The following DNAH2 variants were observed in gnomAD, a reference collection of about 807,000 sequenced individuals.
DNAH2 encodes the protein axonemal beta dynein heavy chain 2.
Under a neutral mutation model 523.5 loss-of-function variants are expected in DNAH2, and 323 were observed. The ratio of observed to expected loss-of-function variants is 0.62; its 90% CI spans 0.56 to 0.68. The LOEUF (loss-of-function observed/expected upper bound fraction) is 0.68. Among genes scored for constraint, DNAH2 ranks in the 30% least tolerant of loss-of-function variants. The pLI is 0.00. For missense variants in DNAH2, 4,907 were observed against 5,701.5 expected (o/e 0.86, Z 4.49); for synonymous variants, 2,093 against 2,177.4 (o/e 0.96, Z 1.08).
chr17:7,793,547 CTCTT>C (rs1027842599), intron 48 of DNAH2, among the ~76,000 whole-genome samples: 6 of 113,620 alleles, frequency 5.3e-5, no homozygotes, highest in Admixed American at 2.7e-4. Flanking sequence ...TTTCTTTCTT[CTCTT>C]TCTTTCTCTT....
intron 11 of DNAH2, among the ~76,000 whole-genome samples, 156 bp from the exon 12 acceptor site, chr17:7,742,772 C>T (rs1203406252): frequency 1.3e-5 from 2 of 152,220 alleles, no homozygotes; most frequent in South Asian, 2.1e-4. Flanking sequence ...CTCTACCTTC[C>T]TTCTAAGTTA....
chr17:7,770,354 G>A lies in DNAH2; in HGVS notation c.4044G>A (p.Val1348=), dbSNP rs151184525. The A allele has an allele frequency of 2.9e-5, 46 of 1,613,936 alleles. No individual in the cohort carries two copies. In the Middle Eastern group the frequency reaches 6.6e-4, roughly 23 times the overall value. The change falls in exon 25 of 86, where the codon GTG becomes GTA. Residue 1348 remains valine (V), a synonymous_variant. Transcript: ENST00000572933. ...TGGAGCTTGGGATGGATCAGCATGT[G>A]GAGAAAATTGGGGAGATCTCTGCTT... ...QIVELGMDQH[V]EKIGEISASA...
intron 14 of DNAH2, 103 bp downstream of exon 14, chr17:7,758,754 A>G (rs1448379139): frequency 1.3e-6 from 2 of 1,558,560 alleles, no homozygotes; most frequent in African/African-American, 2.7e-5. Flanking sequence ...TGTAAAAAGA[A>G]TTAAGTTTGC....
chr17:7,789,556 C>T (rs1427159882), intron 44 of DNAH2, among the ~76,000 whole-genome samples: 1 of 151,308 alleles, frequency 6.6e-6, no homozygotes, highest in Admixed American at 6.6e-5. Context: ...CATAATTTCC[C>T]ACCTATAGGA....
Position 7,821,633 on chromosome 17 carries a change from T to C in DNAH2, c.11142+264T>C, listed in dbSNP as rs1366343554. Among the ~76,000 whole-genome samples the C allele has an allele frequency of 4.6e-5, 7 of 152,150 alleles. No individual in the cohort carries two copies. Among genetic ancestry groups the C allele is most frequent in the Non-Finnish European group, 8.8e-5 (6 of 68,018 alleles). ...AAACTGGCCTGATCTTGCCGCTTTTTTACTGCCTTTCAAGGCACTCCTTCC... is the reference window on the plus strand; with the variant it reads ...AAACTGGCCTGATCTTGCCGCTTTTCTACTGCCTTTCAAGGCACTCCTTCC... On this transcript the variant is annotated intron_variant, in intron 73 of 85. Transcript: ENST00000572933. This position sits in a 1 kb window ranked among gnomAD's most constrained non-coding sequence, Gnocchi z 5.0.
At position 7,824,691 on chromosome 17, in the gene DNAH2, G is replaced by A. The variant is rs1203353282; in HGVS notation, c.11817G>A (p.Leu3939=). 32 of 1,593,472 alleles carry A rather than the reference G, an allele frequency of 2.0e-5. No homozygotes were observed. The highest frequency in any genetic ancestry group is 2.7e-5 in the Non-Finnish European group (32 of 1,166,806). ...ACCCAGACTTCCCTATCTCAATCTT[G>A]CAGGTCAGCATCAAGATGACCACAG... ...IPHPDFPISI[L]QVSIKMTTEP... is the part of the protein sequence containing the mutation. Residue 3939 remains leucine, a synonymous_variant, in exon 77 of 86, where the codon TTG becomes TTA. Transcript: ENST00000572933.
chr17:7,751,921 G>GGGTA (rs202072568), intron 12 of DNAH2, among the ~76,000 whole-genome samples: 1 of 17,592 alleles, frequency 5.7e-5, no homozygotes, highest in African/African-American at 6.8e-4. Flanking sequence ...TAGTTGTGGG[G>GGGTA]TGTGTGTGTG....
chr17:7,767,793 A>G, intron 22 of DNAH2, 107 bp from the exon 23 acceptor site: 8 of 1,459,712 alleles, frequency 5.5e-6, no homozygotes, highest in Non-Finnish European at 7.5e-6. Flanking sequence ...CCGCTGTATT[A>G]TCTAGAGGGG....
Position 7,754,236 on chromosome 17 carries a change from G to C in DNAH2, c.1905-2855G>C, listed in dbSNP as rs564050787. 2.2e-5 allele frequency: 5 copies of C among 227,860 alleles called. No homozygotes were observed. Among genetic ancestry groups the C allele is most frequent in the African/African-American group, 9.1e-5 (4 of 44,012 alleles). The allele number at this position is 227,860 out of a possible 1,614,324, so 14.1% of individuals were successfully genotyped here. A position where few individuals can be genotyped will look rare whatever the true frequency, so the allele number is the denominator to read the frequency against. On this transcript the variant is annotated intron_variant, in intron 12 of 85. Transcript: ENST00000572933. The surrounding 1 kb of genome is among the most constrained non-coding windows in gnomAD (Gnocchi z 4.6). Reference sequence around the variant, plus strand: ...TGTTTTTTATCCTTTTAATATTGTAGAAACTTGGCCAAACTTAAATGATGG... The same window carrying C: ...TGTTTTTTATCCTTTTAATATTGTACAAACTTGGCCAAACTTAAATGATGG...
chr17:7,772,750 T>C (rs2076351329), intron 28 of DNAH2, among the ~76,000 whole-genome samples: 1 of 117,460 alleles, frequency 8.5e-6, no homozygotes, highest in Non-Finnish European at 1.9e-5. Flanking sequence ...CTCACATTGG[T>C]TTTTTGTTTG....
At chr17:7,747,486 C>T (rs1397390623) in intron 12 of DNAH2, among the ~76,000 whole-genome samples, 3 of 152,106 alleles carry the variant, frequency 2.0e-5, no homozygotes, top group Non-Finnish European at 4.4e-5. Context: ...ACTGTGATTC[C>T]CGCACTTTGT....
At chr17:7,727,670 C>T (rs1019648768) in intron 4 of DNAH2, among the ~76,000 whole-genome samples, 11 of 149,010 alleles carry the variant, frequency 7.4e-5, no homozygotes, top group Admixed American at 3.4e-4. Flanking sequence ...GCAGAAGAAT[C>T]GCTTGAACCT....
chr17:7,818,609 G>C, intron 69 of DNAH2, 34 bp from the exon 70 acceptor site: 1 of 1,611,818 alleles, frequency 6.2e-7, no homozygotes, highest in African/African-American at 1.3e-5. Flanking sequence ...TCGAAGGAGT[G>C]ACAGCCCCTC....
rs1555540880 is a variant in DNAH2, at chr17:7,741,323, CTCCTTCCTTCCT to C, written c.1689+357_1689+368del. ...CTTCCTTCCCTCCCTCCCTCCCTCC[CTCCTTCCTTCCT>C]TCCTTCCTTCCTTCCTTCCTTCCTT... is the stretch of plus-strand genomic sequence containing the variant. On this transcript the variant is annotated intron_variant, in intron 11 of 85. Transcript: ENST00000572933. 1.0e-3 allele frequency among the ~76,000 whole-genome samples: 62 copies of C among 59,348 alleles called. 1 individual carries two copies. Among genetic ancestry groups the C allele is most frequent in the African/African-American group, 8.4e-4 (9 of 10,730 alleles). The allele number at this position is 59,348 out of a possible 152,430, so 38.9% of individuals were successfully genotyped here.
intron 21 of DNAH2, among the ~76,000 whole-genome samples, chr17:7,765,817 C>A (rs2076151430): frequency 6.6e-6 from 1 of 151,518 alleles, no homozygotes; most frequent in Non-Finnish European, 1.5e-5. Flanking sequence ...CTCGCTCTGT[C>A]ACCAGGCTGG....
rs143631351 is a variant in DNAH2, at chr17:7,737,283, G to A, written c.1170+25G>A. On this transcript the variant is annotated intron_variant, in intron 8 of 85. Coordinates refer to ENST00000572933, the MANE Select transcript of DNAH2 (RefSeq NM_020877.5). ...GGTGTGCATATGCTGAGGGTGGGAT[G>A]GAGGGGTTTATGAGGGTGGCCGGGT... The A allele has an allele frequency of 4.9e-4, 786 of 1,607,096 alleles. 5 individuals are homozygous for A. In the African/African-American group the frequency reaches 9.7e-3, roughly 20 times the overall value.
intron 3 of DNAH2, 91 bp from the exon 4 acceptor site, chr17:7,727,031 A>C (rs1027392188): frequency 7.2e-7 from 1 of 1,381,548 alleles, no homozygotes; most frequent in Non-Finnish European, 9.5e-7. Flanking sequence ...GGCTTCTCTC[A>C]TCTCCCATGT....
intron 77 of DNAH2, 108 bp downstream of exon 77, chr17:7,824,835 C>G: frequency 1.0e-6 from 1 of 1,001,406 alleles, no homozygotes; most frequent in East Asian, 2.9e-5. Context: ...TGATTGTCCT[C>G]AAAAAATTCC....
chr17:7,724,958 G>A (rs2074749995), intron 3 of DNAH2, among the ~76,000 whole-genome samples: 1 of 151,992 alleles, frequency 6.6e-6, no homozygotes. Context: ...GGCCAGGCTG[G>A]CCTCAAACTC....
Sources: allele counts gnomAD v4.1 joint callset (sites outside exome capture counted in the v4.1 genomes callset), GRCh38; gene constraint gnomAD v4.1.1; non-coding constraint Gnocchi (gnomAD v3.1); transcripts MANE v1.5; gene names NCBI Gene and HGNC (gene_info 2026-07-23, HGNC 2026-07-21).